The following GLYATL2 variants were observed in gnomAD, a reference collection of about 807,000 sequenced individuals.
The protein encoded by GLYATL2 is glycine N-acyltransferase-like protein 2.
Under a neutral mutation model 21.4 loss-of-function variants are expected in GLYATL2, and 25 were observed. The ratio of observed to expected loss-of-function variants is 1.17; its 90% CI spans 0.85 to 1.63. The LOEUF (loss-of-function observed/expected upper bound fraction) is 1.63. Among genes scored for constraint, GLYATL2 ranks in the 40% most tolerant of loss-of-function variants. The pLI, the probability that GLYATL2 is intolerant of heterozygous loss-of-function variation, is 0.00. For synonymous variants in GLYATL2, 114 were observed against 118.2 expected (o/e 0.96, Z 0.23); for missense variants, 361 against 343.3 (o/e 1.05, Z -0.41).
intron 2 of GLYATL2, 26 bp from the exon 3 acceptor site, chr11:58,838,394 A>G: frequency 7.0e-7 from 1 of 1,421,502 alleles, no homozygotes; most frequent in Non-Finnish European, 9.9e-7. Context: ...ACAAAGCAGG[A>G]GAGGATGAAG....
upstream of GLYATL2, among the ~76,000 whole-genome samples, chr11:58,848,952 G>A (rs946174081): frequency 2.0e-5 from 3 of 152,086 alleles, no homozygotes; most frequent in African/African-American, 7.2e-5. Context: ...AAAGCAGCAA[G>A]AGAAAAGAAA....
chr11:58,874,070 G>C (rs777195058), intron 1 of GLYATL2, among the ~76,000 whole-genome samples: 4 of 152,172 alleles, frequency 2.6e-5, no homozygotes, highest in Non-Finnish European at 5.9e-5. Context: ...TAGTTTATTT[G>C]TGTAGAGGTG....
At chr11:58,845,339 A>G (rs1853623854), upstream of GLYATL2, among the ~76,000 whole-genome samples, 1 of 152,194 alleles carries the variant, frequency 6.6e-6, no homozygotes, top group South Asian at 2.1e-4. Flanking sequence ...AGTGGCTCAC[A>G]TCGGTAATAC....
intron 1 of GLYATL2, among the ~76,000 whole-genome samples, chr11:58,881,833 T>C (rs1297151542): frequency 6.6e-6 from 1 of 152,130 alleles, no homozygotes; most frequent in Non-Finnish European, 1.5e-5. Context: ...TGAGAACATG[T>C]GGTGTTTGGT....
At chr11:58,874,508 C>T (rs1235480367) in intron 1 of GLYATL2, among the ~76,000 whole-genome samples, 1 of 152,190 alleles carries the variant, frequency 6.6e-6, no homozygotes, top group Non-Finnish European at 1.5e-5. Context: ...TCATTGGTTT[C>T]AAAGAACATC....
intron 5 of GLYATL2, among the ~76,000 whole-genome samples, chr11:58,835,754 A>G (rs141423038): frequency 5.3e-5 from 8 of 152,324 alleles, no homozygotes; most frequent in Admixed American, 2.0e-4. Context: ...AGCCAAACCT[A>G]GAGTGGCAAG....
chr11:58,878,460 C>T (rs1016461067), intron 1 of GLYATL2: 7 of 282,090 alleles, frequency 2.5e-5, no homozygotes, highest in South Asian at 1.2e-4. Flanking sequence ...AATTTGTGAT[C>T]GAAACTGGGT....
chr11:58,882,254 C>T (rs558214122), intron 1 of GLYATL2, among the ~76,000 whole-genome samples: 44 of 152,280 alleles, frequency 2.9e-4, no homozygotes, highest in African/African-American at 1.0e-3. Flanking sequence ...TGTTTCCTGA[C>T]TTTTTAATGA....
intron 1 of GLYATL2, among the ~76,000 whole-genome samples, chr11:58,866,679 C>T (rs560078719): frequency 6.7e-6 from 1 of 149,322 alleles, no homozygotes; most frequent in African/African-American, 2.4e-5. Context: ...ATTTGAGAGT[C>T]TGAGAGTCTC....
chr11:58,907,192 CCT>C (rs1344056279), upstream of GLYATL2: 11 of 454,152 alleles, frequency 2.4e-5, no homozygotes, highest in Non-Finnish European at 4.9e-5. Flanking sequence ...TTAGGGGAAA[CCT>C]CTTCATATAT....
intron 1 of GLYATL2, among the ~76,000 whole-genome samples, chr11:58,875,253 T>A (rs1199354989): frequency 1.3e-5 from 2 of 152,228 alleles, no homozygotes; most frequent in Non-Finnish European, 2.9e-5. Flanking sequence ...AATTTGCCAG[T>A]CTGTGCCTTT....
chr11:58,838,423 T>C, intron 2 of GLYATL2, 55 bp from the exon 3 acceptor site: 2 of 1,091,936 alleles, frequency 1.8e-6, no homozygotes, highest in Non-Finnish European at 2.8e-6. Context: ...CAATATAGAG[T>C]CTTATATGTG....
chr11:58,842,476 CTGTGTGTGTGTGTG>C (rs34133004), intron 1 of GLYATL2, among the ~76,000 whole-genome samples: 4 of 134,850 alleles, frequency 3.0e-5, no homozygotes, highest in South Asian at 2.6e-4. Context: ...GAGTGAGACT[CTGTGTGTGTGTGTG>C]TGTGTGTGTG....
intron 5 of GLYATL2, 102 bp downstream of exon 5, chr11:58,836,913 C>T (rs925720429): frequency 6.1e-6 from 6 of 979,686 alleles, no homozygotes; most frequent in Non-Finnish European, 9.5e-6. Context: ...AATTGTGTAG[C>T]CCATCATAAT....
chr11:58,880,112 C>A (rs1854307000), intron 1 of GLYATL2, among the ~76,000 whole-genome samples: 2 of 152,142 alleles, frequency 1.3e-5, no homozygotes, highest in South Asian at 4.1e-4. Context: ...CCCACCTCGG[C>A]CTCCCAAAGT....
chr11:58,897,719 A>G (rs558088972), intron 1 of GLYATL2, among the ~76,000 whole-genome samples: 1 of 152,240 alleles, frequency 6.6e-6, no homozygotes, highest in African/African-American at 2.4e-5. Flanking sequence ...CCCTGACTTC[A>G]TAAAAACTAT....
At chr11:58,836,286 A>G (rs1853429908) in intron 5 of GLYATL2, among the ~76,000 whole-genome samples, 1 of 151,770 alleles carries the variant, frequency 6.6e-6, no homozygotes, top group African/African-American at 2.4e-5. Context: ...GTGTAGAGCT[A>G]CTTCATTCTT....
intron 1 of GLYATL2, among the ~76,000 whole-genome samples, chr11:58,856,145 A>G (rs951732782): frequency 2.0e-5 from 3 of 152,060 alleles, no homozygotes; most frequent in Non-Finnish European, 4.4e-5. Context: ...AAGAAAAAAA[A>G]AAGAAAAAGA....
intron 1 of GLYATL2, among the ~76,000 whole-genome samples, chr11:58,856,345 C>G (rs887723018): frequency 6.6e-6 from 1 of 152,120 alleles, no homozygotes; most frequent in Admixed American, 6.6e-5. Flanking sequence ...AAACTTGCTT[C>G]AAAACAGCAA....
Sources: gnomAD v4.1 joint callset for allele counts (sites outside exome capture counted in the v4.1 genomes callset) on GRCh38, gnomAD v4.1.1 for gene constraint, MANE v1.5 for transcripts, NCBI Gene and HGNC (gene_info 2026-07-23, HGNC 2026-07-21) for gene names.